C1QTNF7: variants seen among roughly 807,000 people sequenced by gnomAD.
C1QTNF7 encodes C1q and TNF related 7.
In C1QTNF7, 15 loss-of-function variants were observed where a neutral mutation model predicts 19.6. The observed-to-expected ratio is 0.76, with a 90% confidence interval of 0.51 to 1.18. The LOEUF (loss-of-function observed/expected upper bound fraction) is 1.18. Ranked by LOEUF, C1QTNF7 falls within the 50% of genes most tolerant of loss-of-function variation. The pLI is 0.00. For missense variants in C1QTNF7, 324 were observed against 359.7 expected (o/e 0.90, Z 0.80); for synonymous variants, 142 against 137.5 (o/e 1.03, Z -0.23).
rs1005993846 is a variant in C1QTNF7 at position 15,418,582 on chromosome 4, C to T, written c.14-17154C>T. ...GGTATCTCATCCTTAGAGTGACTTT[C>T]GCTGATCTCCCAAACCACAGTAGGC... On this transcript the variant is annotated intron_variant, in intron 1 of 2. Transcript: ENST00000295297. Among the ~76,000 whole-genome samples, 8 of 152,280 alleles carry T rather than the reference C, an allele frequency of 5.3e-5. No homozygotes were observed. In the East Asian group the frequency reaches 1.4e-3, roughly 26 times the overall value.
chr4:15,410,122 G>C (rs1343513185), intron 1 of C1QTNF7, among the ~76,000 whole-genome samples: 1 of 152,316 alleles, frequency 6.6e-6, no homozygotes, highest in African/African-American at 2.4e-5. Context: ...CAGGAAACTA[G>C]AACTCCTGAG....
At chr4:15,370,166 AT>A (rs1717670118) in intron 1 of C1QTNF7, among the ~76,000 whole-genome samples, 1 of 152,020 alleles carries the variant, frequency 6.6e-6, no homozygotes, top group African/African-American at 2.4e-5. Context: ...ATTTTTGTAA[AT>A]TTTTTTGTAA....
chr4:15,340,082 A>G, exon 1 of C1QTNF7: 1 of 1,220,298 alleles, frequency 8.2e-7, no homozygotes, highest in Non-Finnish European at 1.2e-6. Context: ...GTTTTGGAGT[A>G]GCTTCGAATA....
chr4:15,392,987 C>T (rs1718631427), intron 1 of C1QTNF7, among the ~76,000 whole-genome samples: 1 of 152,170 alleles, frequency 6.6e-6, no homozygotes, highest in Non-Finnish European at 1.5e-5. Context: ...CCACCCAAAT[C>T]TCATCTTGAA....
At chr4:15,353,656 G>A (rs1212028759) in intron 1 of C1QTNF7, among the ~76,000 whole-genome samples, 2 of 152,002 alleles carry the variant, frequency 1.3e-5, no homozygotes, top group Admixed American at 6.6e-5. Flanking sequence ...CTTGTGCCCT[G>A]GGTCCTAACC....
chr4:15,425,881 G>A (rs2108930043), upstream of C1QTNF7, among the ~76,000 whole-genome samples: 1 of 152,160 alleles, frequency 6.6e-6, no homozygotes, highest in Admixed American at 6.5e-5. Flanking sequence ...GTGGTGAGCA[G>A]AGCTGGCTTA....
intron 2 of C1QTNF7, among the ~76,000 whole-genome samples, chr4:15,439,853 T>C (rs930869944): frequency 2.6e-5 from 4 of 152,008 alleles, no homozygotes; most frequent in Non-Finnish European, 5.9e-5. Flanking sequence ...GTTATATATA[T>C]AAAATCATTG....
At chr4:15,386,160 G>A (rs1245921673) in intron 1 of C1QTNF7, among the ~76,000 whole-genome samples, 2 of 152,176 alleles carry the variant, frequency 1.3e-5, no homozygotes, top group Non-Finnish European at 2.9e-5. Context: ...GCTCCACAGG[G>A]TTCTGGGCTC....
chr4:15,441,717 T>C (rs1010267217), intron 2 of C1QTNF7, among the ~76,000 whole-genome samples: 1 of 152,170 alleles, frequency 6.6e-6, no homozygotes, highest in Non-Finnish European at 1.5e-5. Flanking sequence ...AGTGCACCAG[T>C]GATGTTTTAA....
chr4:15,351,802 T>A (rs1477158109), intron 1 of C1QTNF7, among the ~76,000 whole-genome samples: 1 of 152,190 alleles, frequency 6.6e-6, no homozygotes, highest in Non-Finnish European at 1.5e-5. Context: ...TGTAACTTTC[T>A]AGACTTTACA....
At chr4:15,364,259 TATCAGCCTCTTC>T (rs1463315826) in intron 1 of C1QTNF7, among the ~76,000 whole-genome samples, 14 of 152,246 alleles carry the variant, frequency 9.2e-5, no homozygotes, top group Non-Finnish European at 1.8e-4. Flanking sequence ...CTTGGTGATT[TATCAGCCTCTTC>T]ATTGTACTTG....
intron 1 of C1QTNF7, among the ~76,000 whole-genome samples, chr4:15,399,991 T>C (rs1191879624): frequency 6.6e-6 from 1 of 152,248 alleles, no homozygotes; most frequent in African/African-American, 2.4e-5. Context: ...CCAATTTTTC[T>C]GAGGCCATGA....
At chr4:15,377,278 TC>T (rs1257136339) in intron 1 of C1QTNF7, among the ~76,000 whole-genome samples, 1 of 152,226 alleles carries the variant, frequency 6.6e-6, no homozygotes, top group Admixed American at 6.5e-5. Flanking sequence ...GTGGTCAGAA[TC>T]AACACTATTT....
intron 2 of C1QTNF7, among the ~76,000 whole-genome samples, chr4:15,436,553 C>T (rs1300955236): frequency 6.6e-6 from 1 of 152,226 alleles, no homozygotes; most frequent in African/African-American, 2.4e-5. Flanking sequence ...GTAAAGCCTA[C>T]CTTTCCTAGC....
intron 1 of C1QTNF7, among the ~76,000 whole-genome samples, chr4:15,386,603 G>T (rs1477239347): frequency 6.6e-6 from 1 of 152,192 alleles, no homozygotes; most frequent in Non-Finnish European, 1.5e-5. Flanking sequence ...ATTTTAAAGA[G>T]AGTGGTCAAA....
intron 1 of C1QTNF7, among the ~76,000 whole-genome samples, chr4:15,411,449 C>T (rs1719400663): frequency 6.6e-6 from 1 of 152,186 alleles, no homozygotes; most frequent in Non-Finnish European, 1.5e-5. Context: ...CACCATTGTG[C>T]AGAATCACCA....
intron 1 of C1QTNF7, among the ~76,000 whole-genome samples, chr4:15,355,707 T>C (rs1391301194): frequency 2.0e-5 from 3 of 152,224 alleles, no homozygotes; most frequent in Non-Finnish European, 4.4e-5. Context: ...GAAAGTTCCC[T>C]GCCATGCAAG....
At chr4:15,428,475 A>AT (rs956925449) in intron 1 of C1QTNF7, among the ~76,000 whole-genome samples, 2 of 150,790 alleles carry the variant, frequency 1.3e-5, no homozygotes, top group Non-Finnish European at 2.9e-5. Context: ...ATATTGATGA[A>AT]TTTTTTTTTC....
At chr4:15,345,187 A>G (rs1038498208) in intron 1 of C1QTNF7, among the ~76,000 whole-genome samples, 3 of 152,186 alleles carry the variant, frequency 2.0e-5, no homozygotes, top group African/African-American at 4.8e-5. Context: ...TTAGGCTCCT[A>G]CCTCCACCAC....
Sources: gnomAD v4.1 joint callset for allele counts (sites outside exome capture counted in the v4.1 genomes callset) on GRCh38, gnomAD v4.1.1 for gene constraint, MANE v1.5 for transcripts, NCBI Gene and HGNC (gene_info 2026-07-23, HGNC 2026-07-21) for gene names.